Variants in FCN1 observed in about 807,000 individuals in gnomAD.
FCN1 encodes the protein ficolin 1, also known as ficolin-1.
In FCN1, 42 loss-of-function variants were observed where a neutral mutation model predicts 35.6. That is an observed-to-expected ratio of 1.18 (90% CI 0.92 to 1.53). FCN1 has a LOEUF of 1.53. FCN1 is among the 40% of genes most tolerant of loss of function. FCN1 has a pLI of 0.00. For missense variants in FCN1, 439 were observed against 428.4 expected (o/e 1.02, Z -0.22); for synonymous variants, 179 against 169.8 (o/e 1.05, Z -0.42).
In FCN1 at chr9:134,914,937, G is replaced by T. The variant is rs3012789; in HGVS notation, c.218-128C>A. 1.4e-4 allele frequency: 95 copies of T among 674,336 alleles called. 3 individuals carry two copies. In the South Asian group the frequency reaches 1.6e-3, roughly 12 times the overall value. The allele number at this position is 674,336 out of a possible 1,614,324, so 41.8% of individuals were successfully genotyped here. On this transcript the variant is annotated intron_variant, in intron 2 of 8. Coordinates refer to ENST00000371806, the MANE Select transcript of FCN1 (RefSeq NM_002003.5). ...CCTTGAACCCCTTCTGGTTCCAGGA[G>T]CTCTCAGAATTGCTAGCCATGGATT...
chr9:134,911,875 T>G lies in FCN1; in HGVS notation c.599-608A>C, dbSNP rs377005715. On this transcript the variant is annotated intron_variant, in intron 7 of 8. Transcript: ENST00000371806. ...AAGTGTACCTTCTCCTTCTAAGGGT[T>G]GGTGAGCCACTAACACAGCAGTGGG... 3.5e-3 allele frequency among the ~76,000 whole-genome samples: 526 copies of G among 152,348 alleles called. 1 individual carries two copies. Among genetic ancestry groups the G allele is most frequent in the Non-Finnish European group, 5.6e-3 (381 of 68,028 alleles).
At chr9:134,910,150 C>T (rs776241161) in intron 8 of FCN1, 105 bp from the exon 9 acceptor site, 144 of 1,075,070 alleles carry the variant, frequency 1.3e-4, no homozygotes, top group Admixed American at 9.4e-4. Flanking sequence ...ACTTTAGCGA[C>T]GCATGAGCCG....
rs574105818 is a variant in FCN1, at chr9:134,904,263, A to C, written c.*5535T>G. On this transcript the variant is annotated 3_prime_UTR_variant, in exon 9 of 9. Coordinates refer to ENST00000371806, the MANE Select transcript of FCN1 (RefSeq NM_002003.5). Reference sequence around the variant, plus strand: ...ATTTTATAAATGTATTTTTTGAAAAAAGTCATATTACCTTCAGAGGAGCAA... The same window carrying C: ...ATTTTATAAATGTATTTTTTGAAAACAGTCATATTACCTTCAGAGGAGCAA... 1.2e-4 allele frequency among the ~76,000 whole-genome samples: 19 copies of C among 152,310 alleles called. 1 individual carries two copies. The highest frequency in any genetic ancestry group is 4.6e-4 in the African/African-American group (19 of 41,566).
chr9:134,903,258 A>G lies in FCN1; in HGVS notation c.*6540T>C, dbSNP rs993986627. 6.6e-6 allele frequency among the ~76,000 whole-genome samples: 1 copy of G among 152,222 alleles called. No individual in the cohort carries two copies. The highest frequency in any genetic ancestry group is 2.4e-5 in the African/African-American group (1 of 41,456). ...GGTGAACCAGGCTATTAATCAGTTT[A>G]TTAATCTATTTTTTATATATAGACT... On this transcript the variant is annotated 3_prime_UTR_variant, in exon 9 of 9. Coordinates refer to ENST00000371806, the MANE Select transcript of FCN1 (RefSeq NM_002003.5).
chr9:134,912,334 G>A (rs916490353), intron 7 of FCN1, 152 bp downstream of exon 7: 2 of 746,128 alleles, frequency 2.7e-6, no homozygotes, highest in African/African-American at 1.8e-5. Flanking sequence ...TGCGGCAGGG[G>A]ACGCAGCCCT....
At chr9:134,915,220 C>T (rs1380096458) in intron 2 of FCN1, among the ~76,000 whole-genome samples, 1 of 152,156 alleles carries the variant, frequency 6.6e-6, no homozygotes, top group Non-Finnish European at 1.5e-5. Context: ...AGGGTGGGCG[C>T]CACGTGCAGC....
At position 134,917,911 on chromosome 9, in the gene FCN1, A is replaced by G. The variant is rs749383522; in HGVS notation, c.-40T>C. The G allele has an allele frequency of 6.2e-6, 9 of 1,450,252 alleles. No homozygotes were observed. Among genetic ancestry groups the G allele is most frequent in the South Asian group, 5.7e-5 (5 of 87,932 alleles). The allele number at this position is 1,450,252 out of a possible 1,614,324, so 89.8% of individuals were successfully genotyped here. A position where few individuals can be genotyped will look rare whatever the true frequency, so the allele number is the denominator to read the frequency against. On this transcript the variant is annotated 5_prime_UTR_variant, in exon 1 of 9. Coordinates refer to ENST00000371806, the MANE Select transcript of FCN1 (RefSeq NM_002003.5). ...GACTCTGAAGAGTCCCCCAGCTCTA[A>G]CAGGGCAGAGGAAACCAGCTCTCGC...
intron 1 of FCN1, among the ~76,000 whole-genome samples, chr9:134,916,903 G>T (rs1401630037): frequency 6.6e-6 from 1 of 152,250 alleles, no homozygotes; most frequent in African/African-American, 2.4e-5. Context: ...TGGGAATGTG[G>T]TTGTAGAATT....
chr9:134,917,699 G>A (rs1831108110), intron 1 of FCN1, 70 bp downstream of exon 1: 2 of 970,268 alleles, frequency 2.1e-6, no homozygotes, highest in Non-Finnish European at 3.4e-6. Context: ...GTTTTGCCTG[G>A]GACACCCGAG....
Position 134,910,044 on chromosome 9 carries a change from A to G in FCN1, c.735T>C (p.Gly245=). 1 of 1,613,754 alleles carries G rather than the reference A, an allele frequency of 6.2e-7. No homozygotes were observed. The change falls in exon 9 of 9, where the codon GGT becomes GGC. Residue 245 remains glycine (G), a splice_region_variant and synonymous_variant. Coordinates refer to ENST00000371806, the MANE Select transcript of FCN1 (RefSeq NM_002003.5). Reference sequence around the variant, plus strand: ...TGTTGTTGTGGCCCGTTAGAGAATTACCTGCTCACAGAAAATGTGGGGTTT... The same window carrying G: ...TGTTGTTGTGGCCCGTTAGAGAATTGCCTGCTCACAGAAAATGTGGGGTTT... The part of the protein sequence containing the change: ...VLGAFVGGSA[G]NSLTGHNNNF...
intron 1 of FCN1, 114 bp downstream of exon 1, chr9:134,917,655 G>T: frequency 2.9e-6 from 2 of 687,360 alleles, no homozygotes; most frequent in South Asian, 1.6e-5. Context: ...AAACAGATCT[G>T]TTGGGCATCT....
rs535129185 is a variant in FCN1 at position 134,905,125 on chromosome 9, A to G, written c.*4673T>C. The stretch of plus-strand genomic sequence containing the variant: ...AAGGCTATATATTGCAATCGCAAGC[A>G]TAAACACCAAAAGATAGGAAAAGAA... On this transcript the variant is annotated 3_prime_UTR_variant, in exon 9 of 9. Coordinates refer to ENST00000371806, the MANE Select transcript of FCN1 (RefSeq NM_002003.5). 6.6e-6 allele frequency among the ~76,000 whole-genome samples: 1 copy of G among 152,374 alleles called. No individual in the cohort carries two copies. Among genetic ancestry groups the G allele is most frequent in the East Asian group, 1.9e-4 (1 of 5,182 alleles).
In FCN1 at chr9:134,909,525, G is replaced by A; in HGVS notation, c.*273C>T. On this transcript the variant is annotated 3_prime_UTR_variant, in exon 9 of 9. Transcript: ENST00000371806. ...CCAGGGAAAGACCTGCCGTGCAACA[G>A]ACACAGGAAAGTGATCAAAACCACT... 5.8e-6 allele frequency: 8 copies of A among 1,376,018 alleles called. No individual in the cohort carries two copies. In the South Asian group the frequency reaches 9.8e-5, roughly 17 times the overall value. The allele number at this position is 1,376,018 out of a possible 1,614,324, so 85.2% of individuals were successfully genotyped here.
chr9:134,912,567 C>G lies in FCN1; in HGVS notation c.517G>C (p.Ala173Pro). 6.2e-7 allele frequency: 1 copy of G among 1,614,142 alleles called. No homozygotes were observed. The highest frequency in any genetic ancestry group is 8.5e-7 in the Non-Finnish European group (1 of 1,179,972). ...DGSVDFYRDWAAYKQGFGSQL... is the reference protein window; with the variant it reads ...DGSVDFYRDWPAYKQGFGSQL... Reference sequence around the variant, plus strand: ...CTGCCGAAGCCCTGCTTGTATGCGGCCCAGTCCCGATAGAAGTCCACAGAG... The same window carrying G: ...CTGCCGAAGCCCTGCTTGTATGCGGGCCAGTCCCGATAGAAGTCCACAGAG... The change falls in exon 7 of 9, where the codon GCC (alanine) becomes CCC (proline). Residue 173 changes from alanine (A) to proline (P), a missense_variant. Ala to Pro is a conservative substitution (Grantham distance 27). Transcript: ENST00000371806.
intron 2 of FCN1, among the ~76,000 whole-genome samples, chr9:134,915,454 G>C (rs2118942952): frequency 6.6e-6 from 1 of 152,280 alleles, no homozygotes; most frequent in East Asian, 1.9e-4. Context: ...TAGAAGCCTG[G>C]TTCAAGGGAA....
intron 2 of FCN1, among the ~76,000 whole-genome samples, 178 bp downstream of exon 2, chr9:134,916,170 T>G (rs1221257826): frequency 1.3e-5 from 2 of 152,170 alleles, no homozygotes; most frequent in Non-Finnish European, 2.9e-5. Context: ...CTCCCTCCAT[T>G]TCAGAACCCT....
At position 134,909,558 on chromosome 9, in the gene FCN1, A is replaced by C. The variant is rs768037000; in HGVS notation, c.*240T>G. 5.6e-6 allele frequency: 8 copies of C among 1,436,388 alleles called. No individual in the cohort carries two copies. Among genetic ancestry groups the C allele is most frequent in the Non-Finnish European group, 7.4e-6 (8 of 1,083,276 alleles). The allele number at this position is 1,436,388 out of a possible 1,614,324, so 89.0% of individuals were successfully genotyped here. A position where few individuals can be genotyped will look rare whatever the true frequency, so the allele number is the denominator to read the frequency against. On this transcript the variant is annotated 3_prime_UTR_variant, in exon 9 of 9. Coordinates refer to ENST00000371806, the MANE Select transcript of FCN1 (RefSeq NM_002003.5). ...AAAGTGATCAAAACCACTGGTGTTC[A>C]AGAAACACACATTGAAACTGGTAAA...
In FCN1 at chr9:134,911,141, C is replaced by T. The variant is rs1831017802; in HGVS notation, c.725G>A (p.Gly242Asp). Residue 242 changes from glycine to aspartate, a missense_variant, in exon 8 of 9, where the codon GGC (glycine) becomes GAC (aspartate). Gly to Asp is a moderately conservative substitution (Grantham distance 94). Coordinates refer to ENST00000371806, the MANE Select transcript of FCN1 (RefSeq NM_002003.5). ...YKLVLGAFVG[G>D]SAGNSLTGHN... is the part of the protein sequence containing the mutation. Reference sequence around the variant, plus strand: ...CCCAAGCAGACACTCACCCGCACTGCCCCCGACAAAGGCTCCCAGTACCAG... The same window carrying T: ...CCCAAGCAGACACTCACCCGCACTGTCCCCGACAAAGGCTCCCAGTACCAG... 1.9e-6 allele frequency: 3 copies of T among 1,613,974 alleles called. No homozygotes were observed. The highest frequency in any genetic ancestry group is 1.3e-5 in the African/African-American group (1 of 74,918).
At position 134,909,125 on chromosome 9, in the gene FCN1, A is replaced by G. The variant is rs1053612363; in HGVS notation, c.*673T>C. 1.9e-6 allele frequency: 2 copies of G among 1,064,680 alleles called. No individual in the cohort carries two copies. The highest frequency in any genetic ancestry group is 2.5e-6 in the Non-Finnish European group (2 of 804,920). 66.0% of individuals were successfully genotyped at this position (1,064,680 alleles called of 1,614,324 possible). On this transcript the variant is annotated 3_prime_UTR_variant, in exon 9 of 9. Transcript: ENST00000371806. Reference sequence around the variant, plus strand: ...CTAGCTGAGGTCTGTGTGTGGGAGGAAGGCCTCTTCGGAATCTTCTCTGTG... The same window carrying G: ...CTAGCTGAGGTCTGTGTGTGGGAGGGAGGCCTCTTCGGAATCTTCTCTGTG...
Sources: allele counts gnomAD v4.1 joint callset (sites outside exome capture counted in the v4.1 genomes callset), GRCh38; gene constraint gnomAD v4.1.1; transcripts MANE v1.5; gene names NCBI Gene and HGNC (gene_info 2026-07-23, HGNC 2026-07-21).